The following JAK2 variants were observed in gnomAD, a reference collection of about 807,000 sequenced individuals.
JAK2 encodes Janus kinase 2, also known as tyrosine-protein kinase JAK2.
JAK2 carries 86 observed loss-of-function variants against 139.3 expected under a neutral mutation model. The ratio of observed to expected loss-of-function variants is 0.62; its 90% CI spans 0.52 to 0.74. The LOEUF (loss-of-function observed/expected upper bound fraction) is 0.74. Among genes scored for constraint, JAK2 ranks in the 30% least tolerant of loss-of-function variants. The pLI, the probability that JAK2 is intolerant of heterozygous loss-of-function variation, is 0.00. For synonymous variants in JAK2, 490 were observed against 437.7 expected, an observed-to-expected ratio of 1.12 and a Z score of -1.49; for missense variants, 1,421 against 1,360.3, an observed-to-expected ratio of 1.04 and a Z score of -0.70.
intron 12 of JAK2, among the ~76,000 whole-genome samples, chr9:5,070,506 T>C (rs1818886418): frequency 1.3e-5 from 2 of 152,162 alleles, no homozygotes; most frequent in Admixed American, 1.3e-4. Flanking sequence ...ATATGAAAAG[T>C]TGGCCCTCTA....
intron 22 of JAK2, among the ~76,000 whole-genome samples, chr9:5,095,668 A>G (rs1251826107): frequency 2.0e-5 from 3 of 152,150 alleles, no homozygotes; most frequent in African/African-American, 7.2e-5. Context: ...TTTCCCATCA[A>G]TAAACACGAC....
intron 8 of JAK2, among the ~76,000 whole-genome samples, chr9:5,061,782 C>A (rs1285049169): frequency 6.6e-6 from 1 of 152,206 alleles, no homozygotes; most frequent in Non-Finnish European, 1.5e-5. Context: ...AGAGGCCTAG[C>A]TTTCAGCGTG....
intron 8 of JAK2, among the ~76,000 whole-genome samples, chr9:5,062,525 AAAAAAAG>A (rs1818262489): frequency 7.1e-6 from 1 of 141,032 alleles, no homozygotes; most frequent in African/African-American, 2.6e-5. Context: ...AAAAAAAAAA[AAAAAAAG>A]GTCATATCTG....
intron 2 of JAK2, among the ~76,000 whole-genome samples, chr9:5,013,057 TA>T (rs954624527): frequency 6.6e-6 from 1 of 152,200 alleles, no homozygotes; most frequent in Admixed American, 6.5e-5. Context: ...GGACTGGATA[TA>T]GGGGTGAAAA....
chr9:5,113,416 T>C (rs1822823302), intron 22 of JAK2: 3 of 119,774 alleles, frequency 2.5e-5, no homozygotes, highest in Admixed American at 8.8e-5. Context: ...AAAAGAACAT[T>C]AGTTATTTAA....
In JAK2 at chr9:5,042,432, C is replaced by T. The variant is rs532131122; in HGVS notation, c.351-1971C>T. Among the ~76,000 whole-genome samples the T allele has an allele frequency of 9.9e-5, 15 of 152,280 alleles. No individual in the cohort carries two copies. In the East Asian group the frequency reaches 1.9e-3, roughly 20 times the overall value. On this transcript the variant is annotated intron_variant, in intron 4 of 24. Transcript: ENST00000381652. ...GATTACAGGCGTGAGCCACCGCGCC[C>T]GGCCAAGACTGGCCAAAATTTCTAC...
chr9:5,105,803 GA>G (rs1323427881), intron 22 of JAK2, among the ~76,000 whole-genome samples: 2 of 152,148 alleles, frequency 1.3e-5, no homozygotes, highest in Non-Finnish European at 2.9e-5. Context: ...ACAAAAACAA[GA>G]AATGGGAAAA....
chr9:5,092,361 A>G (rs1032208742), intron 22 of JAK2, among the ~76,000 whole-genome samples: 2 of 152,148 alleles, frequency 1.3e-5, no homozygotes, highest in Admixed American at 6.5e-5. Flanking sequence ...AATAGAGGAG[A>G]TAAGTCGTAA....
intron 23 of JAK2, 101 bp from the exon 24 acceptor site, chr9:5,126,232 C>T (rs1823985435): frequency 1.4e-6 from 1 of 703,338 alleles, no homozygotes; most frequent in East Asian, 2.7e-5. Flanking sequence ...CATACAAAAG[C>T]ACACATATAC....
Position 5,103,221 on chromosome 9 carries a change from C to CAAAAAAAA in JAK2, c.3059+12337_3059+12344dup, listed in dbSNP as rs56691830. ...GAAGATCTACCAAGCAAAGGGAAAG[C>CAAAAAAAA]AAAAAAAAAAAAAAAAAAAAAAAAA... On this transcript the variant is annotated intron_variant, in intron 22 of 24. Transcript: ENST00000381652. Among the ~76,000 whole-genome samples the CAAAAAAAA allele has an allele frequency of 5.8e-4, 4 of 6,874 alleles. 1 individual carries two copies. The highest frequency in any genetic ancestry group is 1.8e-3 in the African/African-American group (3 of 1,696). The allele number at this position is 6,874 out of a possible 152,430, so 4.5% of individuals were successfully genotyped here. A position where few individuals can be genotyped will look rare whatever the true frequency, so the allele number is the denominator to read the frequency against.
intron 4 of JAK2, chr9:5,041,513 C>T: frequency 5.3e-6 from 3 of 562,688 alleles, no homozygotes; most frequent in South Asian, 1.5e-5. Context: ...ACACATAGCG[C>T]GCCACGCCCA....
intron 2 of JAK2, among the ~76,000 whole-genome samples, chr9:5,020,135 C>G (rs1047691645): frequency 4.6e-5 from 7 of 152,116 alleles, no homozygotes; most frequent in African/African-American, 1.7e-4. Context: ...GTAGGAGAAC[C>G]TCTGGCTGTC....
At position 5,013,190 on chromosome 9, in the gene JAK2, T is replaced by C. The variant is rs540958420; in HGVS notation, c.-25-8773T>C. Among the ~76,000 whole-genome samples the C allele has an allele frequency of 9.3e-4, 141 of 152,324 alleles. 1 individual carries two copies. Among genetic ancestry groups the C allele is most frequent in the Non-Finnish European group, 1.8e-3 (121 of 68,020 alleles). ...AAGAAAACAACCCAAAGCACTTTTT[T>C]TCTAATAACTTATATCTTCTTCTTT... On this transcript the variant is annotated intron_variant, in intron 2 of 24. Transcript: ENST00000381652.
intron 4 of JAK2, chr9:5,041,882 C>G: frequency 2.3e-6 from 1 of 428,472 alleles, no homozygotes; most frequent in Non-Finnish European, 4.5e-6. Context: ...ACTCCAGCGC[C>G]CATCAGGGCG....
In JAK2 at chr9:5,081,773, G is replaced by A. The variant is rs1233946002; in HGVS notation, c.2483G>A (p.Gly828Asp). 2 of 1,604,316 alleles carry A rather than the reference G, an allele frequency of 1.2e-6. No individual in the cohort carries two copies. The highest frequency in any genetic ancestry group is 1.7e-6 in the Non-Finnish European group (2 of 1,171,230). ...GACATGTTACCAAATATGAGGATAG[G>A]TGCCCTGGGGTTTTCTGGTGCCTTT... ...ENDMLPNMRIGALGFSGAFED... is the reference protein window; with the variant it reads ...ENDMLPNMRIDALGFSGAFED... The change falls in exon 19 of 25, where the codon GGT becomes GAT. Residue 828 changes from glycine to aspartate, a missense_variant. Coordinates refer to ENST00000381652, the MANE Select transcript of JAK2 (RefSeq NM_004972.4).
At chr9:5,112,576 G>A in intron 22 of JAK2, 1 of 678,698 alleles carries the variant, frequency 1.5e-6, no homozygotes, top group Non-Finnish European at 2.5e-6. Flanking sequence ...GCGGCTGCGG[G>A]TCCCTTAAGA....
At chr9:5,049,370 C>T (rs1038622983) in intron 5 of JAK2, among the ~76,000 whole-genome samples, 2 of 152,072 alleles carry the variant, frequency 1.3e-5, no homozygotes, top group African/African-American at 4.8e-5. Flanking sequence ...AACTTCAGGC[C>T]CTAATCAAAT....
intron 4 of JAK2, among the ~76,000 whole-genome samples, chr9:5,038,955 A>T (rs1027387394): frequency 6.6e-6 from 1 of 152,154 alleles, no homozygotes; most frequent in Admixed American, 6.5e-5. Context: ...AAAATCCAGC[A>T]TCCCATCATT....
At chr9:5,069,827 T>C (rs1818827361) in intron 11 of JAK2, 98 bp from the exon 12 acceptor site, 4 of 630,736 alleles carry the variant, frequency 6.3e-6, no homozygotes, top group Non-Finnish European at 9.7e-6. Flanking sequence ...TTATTAAGCA[T>C]TTCTTATACG....
Sources: allele counts gnomAD v4.1 joint callset (sites outside exome capture counted in the v4.1 genomes callset), GRCh38; gene constraint gnomAD v4.1.1; transcripts MANE v1.5; gene names NCBI Gene and HGNC (gene_info 2026-07-23, HGNC 2026-07-21).